MAGI2: variants seen among roughly 807,000 people sequenced by gnomAD.
MAGI2 encodes membrane associated guanylate kinase, WW and PDZ domain containing 2, also known as membrane-associated guanylate kinase, WW and PDZ domain-containing protein 2.
In MAGI2, 35 loss-of-function variants were observed where a neutral mutation model predicts 133.3. That is an observed-to-expected ratio of 0.26 (90% CI 0.20 to 0.35). MAGI2 has a LOEUF of 0.35. Among genes scored for constraint, MAGI2 ranks in the 10% least tolerant of loss-of-function variants. The probability of loss-of-function intolerance (pLI) is 1.00; values close to 1 mark genes in which losing one functional copy is unlikely to be tolerated. For missense variants in MAGI2, 1,636 were observed against 1,863.4 expected (o/e 0.88, Z 2.25); for synonymous variants, 729 against 710.6 (o/e 1.03, Z -0.41).
intron 1 of MAGI2, chr7:79,411,528 T>C (rs1488909921): frequency 5.3e-5 from 8 of 152,192 alleles, no homozygotes; most frequent in Non-Finnish European, 1.0e-4. Context: ...GCAAGGAAAC[T>C]GATTCTCCTC....
intron 11 of MAGI2, among the ~76,000 whole-genome samples, chr7:78,195,507 A>T (rs1186808760): frequency 1.3e-5 from 2 of 152,210 alleles, no homozygotes; most frequent in African/African-American, 4.8e-5. Context: ...GCATATACTC[A>T]TTTGACACCT....
At chr7:79,365,479 T>A (rs930906961) in intron 1 of MAGI2, among the ~76,000 whole-genome samples, 1 of 152,194 alleles carries the variant, frequency 6.6e-6, no homozygotes, top group Admixed American at 6.5e-5. Context: ...AGCTCATATG[T>A]CCTTCAACAG....
At chr7:78,709,691 G>T (rs370607555) in intron 2 of MAGI2, among the ~76,000 whole-genome samples, 1 of 152,132 alleles carries the variant, frequency 6.6e-6, no homozygotes. Flanking sequence ...CTTGCCATCC[G>T]GCAGAATTTA....
chr7:79,103,640 G>A (rs917998418), intron 1 of MAGI2, among the ~76,000 whole-genome samples: 2 of 152,088 alleles, frequency 1.3e-5, no homozygotes, highest in Admixed American at 1.3e-4. Context: ...TGACTGCAAA[G>A]AGGCACACCA....
At chr7:78,699,007 C>T (rs1487265041) in intron 2 of MAGI2, among the ~76,000 whole-genome samples, 2 of 152,300 alleles carry the variant, frequency 1.3e-5, no homozygotes, top group African/African-American at 4.8e-5. Context: ...CCTTTATATA[C>T]TATTTAGAGT....
At chr7:78,885,628 A>AGTGTGTGTGT (rs61111430) in intron 2 of MAGI2, among the ~76,000 whole-genome samples, 27,606 of 148,724 alleles carry the variant, frequency 0.19, 2,902 homozygotes, top group South Asian at 0.37. Flanking sequence ...TGAAAGGAAT[A>AGTGTGTGTGT]GTGTGTGTGT....
chr7:78,021,782 G>A (rs1437805362), intron 21 of MAGI2, among the ~76,000 whole-genome samples: 4 of 152,154 alleles, frequency 2.6e-5, no homozygotes, highest in African/African-American at 9.7e-5. Flanking sequence ...TACTGGTGAC[G>A]TGATTTTGGA....
At chr7:78,546,246 C>T (rs1444116968) in intron 3 of MAGI2, among the ~76,000 whole-genome samples, 1 of 152,060 alleles carries the variant, frequency 6.6e-6, no homozygotes, top group Admixed American at 6.5e-5. Context: ...GATAGGTACT[C>T]CCTAGTTATT....
intron 6 of MAGI2, among the ~76,000 whole-genome samples, chr7:78,371,890 G>T (rs1446702446): frequency 6.6e-6 from 1 of 151,964 alleles, no homozygotes; most frequent in Non-Finnish European, 1.5e-5. Context: ...CACACTTTGA[G>T]GCAAAATTAT....
In MAGI2 at chr7:78,853,332, CTTTTTTTTTTTTTTTTTTTTTTT is replaced by C. The variant is rs60580466; in HGVS notation, c.418+153735_418+153757del. Among the ~76,000 whole-genome samples the C allele has an allele frequency of 1.6e-3, 40 of 25,076 alleles. No homozygotes were observed. In the South Asian group the frequency reaches 0.019, roughly 12 times the overall value. 16.5% of individuals were successfully genotyped at this position (25,076 alleles called of 152,430 possible). ...CTCATATTACTCTTGTCCATTCGTT[CTTTTTTTTTTTTTTTTTTTTTTT>C]TTTTTTTTTTTTTTTTTTGAGACAG... is the stretch of plus-strand genomic sequence containing the variant. On this transcript the variant is annotated intron_variant, in intron 2 of 21. Transcript: ENST00000354212.
chr7:78,787,867 C>T (rs1267516805), intron 2 of MAGI2, among the ~76,000 whole-genome samples: 1 of 152,164 alleles, frequency 6.6e-6, no homozygotes, highest in African/African-American at 2.4e-5. Context: ...TTCATTTTGA[C>T]ATTTTCTAGC....
chr7:78,214,267 C>T (rs1279363134), intron 10 of MAGI2, among the ~76,000 whole-genome samples: 2 of 152,150 alleles, frequency 1.3e-5, no homozygotes, highest in Admixed American at 6.5e-5. Context: ...CTGAGGATCC[C>T]AAGTATGTTT....
At chr7:78,360,711 C>G (rs1158734643) in intron 7 of MAGI2, among the ~76,000 whole-genome samples, 2 of 152,234 alleles carry the variant, frequency 1.3e-5, no homozygotes, top group Non-Finnish European at 2.9e-5. Context: ...GGGGTCCCCT[C>G]TTCCAGCAGG....
chr7:78,932,191 G>T, intron 2 of MAGI2, among the ~76,000 whole-genome samples: 1 of 151,928 alleles, frequency 6.6e-6, no homozygotes, highest in African/African-American at 2.4e-5. Flanking sequence ...TTCCCACAAT[G>T]CCTCACATGT....
intron 2 of MAGI2, among the ~76,000 whole-genome samples, chr7:78,993,814 T>C (rs997449665): frequency 1.3e-5 from 2 of 151,920 alleles, no homozygotes; most frequent in Admixed American, 6.6e-5. Flanking sequence ...CTTCGTGAAA[T>C]AGAAAGAAAA....
chr7:78,614,159 C>T (rs1806801460), intron 3 of MAGI2, among the ~76,000 whole-genome samples: 1 of 151,222 alleles, frequency 6.6e-6, no homozygotes, highest in Non-Finnish European at 1.5e-5. Context: ...GTGGGCCTTT[C>T]AGGGAAATCA....
chr7:79,097,677 C>T (rs1334461228), intron 1 of MAGI2, among the ~76,000 whole-genome samples: 2 of 152,176 alleles, frequency 1.3e-5, no homozygotes, highest in Non-Finnish European at 2.9e-5. Context: ...AAACCTGCAC[C>T]AGTAATCACT....
chr7:79,214,918 A>C (rs900283366), intron 1 of MAGI2, among the ~76,000 whole-genome samples: 1 of 146,758 alleles, frequency 6.8e-6, no homozygotes, highest in Non-Finnish European at 1.5e-5. Flanking sequence ...TATATTTATA[A>C]ATTTCTATGA....
At chr7:79,123,785 C>CAAAAAAA (rs71095377) in intron 1 of MAGI2, among the ~76,000 whole-genome samples, 4 of 60,750 alleles carry the variant, frequency 6.6e-5, no homozygotes, top group Non-Finnish European at 1.1e-4. Flanking sequence ...GACTCCATCT[C>CAAAAAAA]AAAAAAAAAA....
Sources: gnomAD v4.1 joint callset for allele counts (sites outside exome capture counted in the v4.1 genomes callset) on GRCh38, gnomAD v4.1.1 for gene constraint, MANE v1.5 for transcripts, NCBI Gene and HGNC (gene_info 2026-07-23, HGNC 2026-07-21) for gene names.